PABPC4L: variants seen among roughly 807,000 people sequenced by gnomAD.
PABPC4L encodes poly(A) binding protein cytoplasmic 4 like, also known as polyadenylate-binding protein 4-like.
For synonymous variants in PABPC4L, 169 were observed against 164.1 expected, an observed-to-expected ratio of 1.03 and a Z score of -0.23; for missense variants, 452 against 451.4, an observed-to-expected ratio of 1.00 and a Z score of -0.01.
the PABPC4L span, among the ~76,000 whole-genome samples, chr4:133,957,903 T>C: frequency 1.3e-5 from 2 of 152,216 alleles, no homozygotes; most frequent in Non-Finnish European, 2.9e-5. Context: ...GTCCTGAGGC[T>C]GCGCAGAGCA....
chr4:134,201,026 G>A lies in PABPC4L; in HGVS notation c.-7C>T. 1 of 1,551,702 alleles carries A rather than the reference G, an allele frequency of 6.4e-7. No individual in the cohort carries two copies. Among genetic ancestry groups the A allele is most frequent in the Non-Finnish European group, 8.7e-7 (1 of 1,147,004 alleles). The stretch of plus-strand genomic sequence containing the variant: ...ACTTGGCTGCTACATTCATCTCCTT[G>A]TCCTTGCCACTGTGAGTTTGTCCCC... On this transcript the variant is annotated 5_prime_UTR_variant, in exon 2 of 2. Transcript: ENST00000421491.
the PABPC4L span, among the ~76,000 whole-genome samples, chr4:134,048,965 T>C: frequency 6.6e-6 from 1 of 152,094 alleles, no homozygotes; most frequent in Non-Finnish European, 1.5e-5. Flanking sequence ...GGAAAAATTC[T>C]AGATTCAAGT....
At chr4:134,131,273 A>G in the PABPC4L span, among the ~76,000 whole-genome samples, 1 of 152,134 alleles carries the variant, frequency 6.6e-6, no homozygotes, top group African/African-American at 2.4e-5. Flanking sequence ...TGCTGATGAC[A>G]TGATCATATA....
the PABPC4L span, among the ~76,000 whole-genome samples, chr4:134,174,574 T>G: frequency 6.6e-6 from 1 of 152,142 alleles, no homozygotes; most frequent in African/African-American, 2.4e-5. Flanking sequence ...GGACCACCAT[T>G]GTACATGTGA....
chr4:134,111,295 C>T, the PABPC4L span, among the ~76,000 whole-genome samples: 3 of 151,976 alleles, frequency 2.0e-5, no homozygotes, highest in Non-Finnish European at 4.4e-5. Flanking sequence ...CCCAAAGCTA[C>T]AGTTCCCAAA....
the PABPC4L span, among the ~76,000 whole-genome samples, chr4:134,105,136 C>T: frequency 6.6e-6 from 1 of 151,588 alleles, no homozygotes. Flanking sequence ...CCAGAGTTTG[C>T]CTGCAGGAGT....
At chr4:134,109,798 A>G in the PABPC4L span, among the ~76,000 whole-genome samples, 3 of 151,798 alleles carry the variant, frequency 2.0e-5, no homozygotes, top group Admixed American at 6.6e-5. Flanking sequence ...CAGGCTGGCA[A>G]TGGCATGGTC....
the PABPC4L span, among the ~76,000 whole-genome samples, chr4:133,990,436 A>G: frequency 6.6e-6 from 1 of 152,134 alleles, no homozygotes; most frequent in Non-Finnish European, 1.5e-5. Flanking sequence ...GTGTGTTCTG[A>G]CTGCTCCACT....
At chr4:134,021,350 G>A in the PABPC4L span, among the ~76,000 whole-genome samples, 1 of 151,984 alleles carries the variant, frequency 6.6e-6, no homozygotes, top group Admixed American at 6.6e-5. Flanking sequence ...GTTTCCTGGG[G>A]TGGATAGAAG....
At chr4:134,008,243 T>G in the PABPC4L span, among the ~76,000 whole-genome samples, 1 of 151,970 alleles carries the variant, frequency 6.6e-6, no homozygotes, top group African/African-American at 2.4e-5. Flanking sequence ...AGAAAAATTT[T>G]GAAAATTTGT....
At chr4:134,182,944 A>T in the PABPC4L span, among the ~76,000 whole-genome samples, 18 of 152,052 alleles carry the variant, frequency 1.2e-4, no homozygotes, top group African/African-American at 4.3e-4. Context: ...ATTATTAAAA[A>T]GTCACAAAAT....
chr4:134,183,015 A>T, the PABPC4L span, among the ~76,000 whole-genome samples: 5 of 152,062 alleles, frequency 3.3e-5, no homozygotes, highest in Admixed American at 6.6e-5. Context: ...GTGGGAATGT[A>T]AATTAGTTCA....
chr4:134,000,474 A>G, the PABPC4L span, among the ~76,000 whole-genome samples: 10 of 152,154 alleles, frequency 6.6e-5, no homozygotes, highest in Non-Finnish European at 1.3e-4. Context: ...TTCTGGCAAT[A>G]TAAAAAGTTA....
chr4:134,059,462 A>G, the PABPC4L span, among the ~76,000 whole-genome samples: 4 of 150,758 alleles, frequency 2.7e-5, no homozygotes, highest in African/African-American at 9.7e-5. Flanking sequence ...GTACACATAC[A>G]CACACATTAT....
the PABPC4L span, among the ~76,000 whole-genome samples, chr4:134,097,260 T>A: frequency 6.6e-6 from 1 of 151,842 alleles, no homozygotes; most frequent in Non-Finnish European, 1.5e-5. Context: ...CTTTTTAAGA[T>A]TCAAAGATTA....
the PABPC4L span, among the ~76,000 whole-genome samples, chr4:134,102,758 A>G: frequency 6.6e-6 from 1 of 151,540 alleles, no homozygotes; most frequent in South Asian, 2.1e-4. Context: ...CCAAATAATG[A>G]TATCCATAAA....
the PABPC4L span, among the ~76,000 whole-genome samples, chr4:134,074,879 C>T: frequency 6.6e-6 from 1 of 152,102 alleles, no homozygotes; most frequent in Non-Finnish European, 1.5e-5. Flanking sequence ...ATTCAATTAC[C>T]TCCCACTGGG....
the PABPC4L span, among the ~76,000 whole-genome samples, chr4:133,971,170 TG>T: frequency 1.5e-5 from 2 of 136,612 alleles, no homozygotes; most frequent in Non-Finnish European, 3.0e-5. Flanking sequence ...TGGAGTGCAG[TG>T]GAACAATCTC....
chr4:134,003,155 C>T, the PABPC4L span, among the ~76,000 whole-genome samples: 3 of 151,998 alleles, frequency 2.0e-5, no homozygotes, highest in East Asian at 5.8e-4. Flanking sequence ...GATATAGTCT[C>T]TAATGAGGCT....
Sources: allele counts gnomAD v4.1 joint callset (sites outside exome capture counted in the v4.1 genomes callset), GRCh38; gene constraint gnomAD v4.1.1; transcripts MANE v1.5; gene names NCBI Gene and HGNC (gene_info 2026-07-23, HGNC 2026-07-21).